Variants in SMG6 observed in about 807,000 individuals in gnomAD.
SMG6 encodes SMG6 nonsense mediated mRNA decay factor.
Under a neutral mutation model 142.2 loss-of-function variants are expected in SMG6, and 66 were observed. That is an observed-to-expected ratio of 0.46 (90% confidence interval 0.38 to 0.57). SMG6 has a LOEUF of 0.57. SMG6 is among the 20% of genes least tolerant of loss of function. The probability of loss-of-function intolerance (pLI) is 0.00; values close to 1 mark genes in which losing one functional copy is unlikely to be tolerated. For synonymous variants in SMG6, 779 were observed against 702.4 expected (o/e 1.11, Z -1.72); for missense variants, 1,793 against 1,832.0 (o/e 0.98, Z 0.39).
At chr17:2,223,315 T>C (rs1000295645) in intron 10 of SMG6, among the ~76,000 whole-genome samples, 4 of 152,216 alleles carry the variant, frequency 2.6e-5, no homozygotes, top group African/African-American at 9.7e-5. Context: ...CTGTTGGCAC[T>C]TGGGGCAAAG....
At chr17:2,140,400 G>A (rs1597457167) in intron 13 of SMG6, among the ~76,000 whole-genome samples, 1 of 152,148 alleles carries the variant, frequency 6.6e-6, no homozygotes, top group Non-Finnish European at 1.5e-5. Context: ...GGCCGGGTAC[G>A]ATGGCTCACA....
chr17:2,089,111 G>C (rs1351099798), intron 13 of SMG6, among the ~76,000 whole-genome samples: 1 of 152,202 alleles, frequency 6.6e-6, no homozygotes, highest in Non-Finnish European at 1.5e-5. Flanking sequence ...CCTGCTTGGA[G>C]AGGAAGGACT....
At chr17:2,115,965 C>G (rs1005843310) in intron 13 of SMG6, among the ~76,000 whole-genome samples, 1 of 152,096 alleles carries the variant, frequency 6.6e-6, no homozygotes, top group Non-Finnish European at 1.5e-5. Context: ...CCCTGGCCCC[C>G]CAAAGTGCAA....
chr17:2,247,785 A>AAAAAAAG (rs542640744), intron 8 of SMG6, among the ~76,000 whole-genome samples: 2 of 151,722 alleles, frequency 1.3e-5, no homozygotes, highest in Non-Finnish European at 2.9e-5. Flanking sequence ...TGTCTCAGAG[A>AAAAAAAG]AAAAAAGAAA....
At chr17:2,152,513 T>C (rs1418389566) in intron 13 of SMG6, among the ~76,000 whole-genome samples, 1 of 152,112 alleles carries the variant, frequency 6.6e-6, no homozygotes, top group Non-Finnish European at 1.5e-5. Context: ...AGTAAGAAAA[T>C]AATCCGATTT....
intron 13 of SMG6, among the ~76,000 whole-genome samples, chr17:2,125,123 T>C (rs1314410281): frequency 1.3e-5 from 2 of 152,198 alleles, no homozygotes; most frequent in Non-Finnish European, 2.9e-5. Context: ...TTTTTGCTAA[T>C]TTTTTGGAAA....
intron 13 of SMG6, among the ~76,000 whole-genome samples, chr17:2,171,058 T>C (rs2071487572): frequency 6.6e-6 from 1 of 152,096 alleles, no homozygotes; most frequent in Non-Finnish European, 1.5e-5. Context: ...GTAAATCACT[T>C]GAGTTCAGTA....
chr17:2,135,038 C>A (rs565468269), intron 13 of SMG6, among the ~76,000 whole-genome samples: 1 of 152,162 alleles, frequency 6.6e-6, no homozygotes, highest in African/African-American at 2.4e-5. Flanking sequence ...AGCCACCATG[C>A]CTGGCTAATT....
intron 10 of SMG6, among the ~76,000 whole-genome samples, chr17:2,193,610 C>T (rs1053776664): frequency 3.9e-5 from 6 of 152,178 alleles, no homozygotes; most frequent in East Asian, 1.9e-4. Flanking sequence ...TCCGAAAACA[C>T]TTGAGTGCCC....
At position 2,275,495 on chromosome 17, in the gene SMG6, C is replaced by T. The variant is rs759591598; in HGVS notation, c.2661+7152G>A. 9.9e-5 allele frequency among the ~76,000 whole-genome samples: 15 copies of T among 152,108 alleles called. 1 individual carries two copies. The highest frequency in any genetic ancestry group is 4.4e-5 in the Non-Finnish European group (3 of 68,006). On this transcript the variant is annotated intron_variant, in intron 8 of 18. Transcript: ENST00000263073. ...CACTCCCAATCCTATATGCTTTCTT[C>T]CCCAGCAGACAGACATGTATTACAT...
At chr17:2,242,356 CAAAAAAAAAAAAAAA>C (rs57062488) in intron 9 of SMG6, among the ~76,000 whole-genome samples, 1 of 73,512 alleles carries the variant, frequency 1.4e-5, no homozygotes, top group African/African-American at 6.8e-5. Context: ...ACTGAAGATA[CAAAAAAAAAAAAAAA>C]AAAAAAAAAT....
intron 10 of SMG6, among the ~76,000 whole-genome samples, chr17:2,232,120 T>C (rs565353155): frequency 5.9e-5 from 9 of 151,860 alleles, no homozygotes; most frequent in South Asian, 4.2e-4. Flanking sequence ...AAGGGCCAGA[T>C]TGGAACAAAT....
chr17:2,232,944 C>T (rs773702313), intron 10 of SMG6: 1 of 152,208 alleles, frequency 6.6e-6, no homozygotes, highest in Non-Finnish European at 1.5e-5. Flanking sequence ...ATTTTGCCTT[C>T]TGCAGTGTCC....
At chr17:2,242,385 T>C (rs9912515) in intron 9 of SMG6, among the ~76,000 whole-genome samples, 138,939 of 143,048 alleles carry the variant, frequency 0.97, 67,522 homozygotes, top group East Asian at 1. Flanking sequence ...AAAAAATTAG[T>C]CGGGCATGGT....
At chr17:2,129,444 T>C (rs542253895) in intron 13 of SMG6, among the ~76,000 whole-genome samples, 1 of 152,056 alleles carries the variant, frequency 6.6e-6, no homozygotes, top group African/African-American at 2.4e-5. Flanking sequence ...TTAAAGAAAA[T>C]ACTCAGCAAT....
chr17:2,155,582 G>C (rs1393269551), intron 13 of SMG6, among the ~76,000 whole-genome samples: 1 of 152,164 alleles, frequency 6.6e-6, no homozygotes, highest in African/African-American at 2.4e-5. Flanking sequence ...GCAGTACCCA[G>C]AAAGCTATGA....
chr17:2,096,149 C>G (rs1188094097), intron 13 of SMG6, among the ~76,000 whole-genome samples: 2 of 152,084 alleles, frequency 1.3e-5, no homozygotes, highest in Admixed American at 6.5e-5. Context: ...TCAAGCAATC[C>G]TCCCACCTCA....
intron 13 of SMG6, among the ~76,000 whole-genome samples, chr17:2,143,969 G>GCTGAAACTCCTGGA (rs2070573906): frequency 1.3e-5 from 2 of 151,340 alleles, no homozygotes; most frequent in Non-Finnish European, 2.9e-5. Flanking sequence ...CTCACTGAAG[G>GCTGAAACTCCTGGA]CTGAAACTCC....
chr17:2,201,515 G>A (rs1016917154), intron 10 of SMG6, among the ~76,000 whole-genome samples: 1 of 151,988 alleles, frequency 6.6e-6, no homozygotes, highest in Non-Finnish European at 1.5e-5. Flanking sequence ...TCAACATGGT[G>A]AAACCCCATC....
Sources: allele counts gnomAD v4.1 joint callset (sites outside exome capture counted in the v4.1 genomes callset), GRCh38; gene constraint gnomAD v4.1.1; transcripts MANE v1.5; gene names NCBI Gene and HGNC (gene_info 2026-07-23, HGNC 2026-07-21).